CNTNAP2: variants seen among roughly 807,000 people sequenced by gnomAD.
CNTNAP2 encodes the protein contactin-associated protein-like 2.
In CNTNAP2, 98 loss-of-function variants were observed where a neutral mutation model predicts 155.2. That is an observed-to-expected ratio of 0.63 (90% CI 0.54 to 0.75). The LOEUF is 0.75. Among genes scored for constraint, CNTNAP2 ranks in the 30% least tolerant of loss-of-function variants. The pLI is 0.00. For synonymous variants in CNTNAP2, 651 were observed against 631.2 expected, an observed-to-expected ratio of 1.03 and a Z score of -0.47; for missense variants, 1,727 against 1,688.1, an observed-to-expected ratio of 1.02 and a Z score of -0.40.
chr7:147,434,296 A>T (rs1165061188), intron 10 of CNTNAP2, among the ~76,000 whole-genome samples: 1 of 152,214 alleles, frequency 6.6e-6, no homozygotes, highest in Non-Finnish European at 1.5e-5. Context: ...GATATATGAA[A>T]ATAGGACCTA....
intron 13 of CNTNAP2, among the ~76,000 whole-genome samples, chr7:147,661,661 T>C (rs1584885391): frequency 6.6e-6 from 1 of 151,814 alleles, no homozygotes; most frequent in Admixed American, 6.6e-5. Flanking sequence ...CAAGTGAGTC[T>C]CCTGCCACAG....
At chr7:146,775,004 CTT>C (rs1802364036) in intron 2 of CNTNAP2, among the ~76,000 whole-genome samples, 1 of 152,142 alleles carries the variant, frequency 6.6e-6, no homozygotes. Context: ...GCAAAAAACT[CTT>C]TTGCTTCAAA....
Position 146,380,751 on chromosome 7 carries a change from GA to G in CNTNAP2, c.97+263786del, listed in dbSNP as rs974303576. Among the ~76,000 whole-genome samples, 14 of 101,204 alleles carry G rather than the reference GA, an allele frequency of 1.4e-4. No individual in the cohort carries two copies. The East Asian group carries it at 2.0e-3, about 14-fold the overall frequency. 66.4% of individuals were successfully genotyped at this position (101,204 alleles called of 152,430 possible). A position where few individuals can be genotyped will look rare whatever the true frequency, so the allele number is the denominator to read the frequency against. On this transcript the variant is annotated intron_variant, in intron 1 of 23. Coordinates refer to ENST00000361727, the MANE Select transcript of CNTNAP2 (RefSeq NM_014141.6). ...AAGTACATATGTTACTAACTTCAAAGAAAAAAAATATTTCTTGCTTCTTATG... is the reference window on the plus strand; with the variant it reads ...AAGTACATATGTTACTAACTTCAAAGAAAAAAATATTTCTTGCTTCTTATG...
intron 12 of CNTNAP2, among the ~76,000 whole-genome samples, chr7:147,605,499 T>A (rs1379411930): frequency 1.3e-5 from 2 of 152,142 alleles, no homozygotes; most frequent in Admixed American, 1.3e-4. Context: ...TACCTTGTCA[T>A]GCAGATAAAG....
At chr7:146,516,712 G>A (rs1797547121) in intron 1 of CNTNAP2, among the ~76,000 whole-genome samples, 1 of 151,872 alleles carries the variant, frequency 6.6e-6, no homozygotes, top group Admixed American at 6.6e-5. Context: ...GAATGCATTA[G>A]GGTAGATTAT....
chr7:146,173,985 T>A (rs1584786807), intron 1 of CNTNAP2, among the ~76,000 whole-genome samples: 1 of 151,904 alleles, frequency 6.6e-6, no homozygotes, highest in Middle Eastern at 3.4e-3. Context: ...GGTGGGAGGA[T>A]CATTTGAAGT....
intron 3 of CNTNAP2, among the ~76,000 whole-genome samples, chr7:147,027,373 T>G (rs2129249072): frequency 6.6e-6 from 1 of 152,346 alleles, no homozygotes; most frequent in East Asian, 1.9e-4. Context: ...ACTCAAATTC[T>G]AAAAGCCACC....
chr7:147,343,347 G>A (rs1488976326), intron 9 of CNTNAP2, among the ~76,000 whole-genome samples: 1 of 152,090 alleles, frequency 6.6e-6, no homozygotes, highest in East Asian at 1.9e-4. Context: ...AAGATGTAGT[G>A]ATGTTAGCAG....
At chr7:147,398,249 T>G (rs1266271691) in intron 10 of CNTNAP2, among the ~76,000 whole-genome samples, 1 of 152,144 alleles carries the variant, frequency 6.6e-6, no homozygotes, top group African/African-American at 2.4e-5. Context: ...CTAGCACATC[T>G]CTGCTTCTTT....
At chr7:147,295,133 C>T (rs1209336595) in intron 8 of CNTNAP2, among the ~76,000 whole-genome samples, 1 of 152,152 alleles carries the variant, frequency 6.6e-6, no homozygotes, top group Non-Finnish European at 1.5e-5. Flanking sequence ...AATCCACCTA[C>T]TCAAAGCCTC....
rs1365352884 is a variant in CNTNAP2, at chr7:146,433,884, A to G, written c.97+316911A>G. Among the ~76,000 whole-genome samples the G allele has an allele frequency of 2.0e-5, 3 of 152,176 alleles. No individual in the cohort carries two copies. The East Asian group carries it at 5.8e-4, about 29-fold the overall frequency. ...CCCAGTCTTACAGGCATAAGCAGCA[A>G]ACCTAACCACAGCTTCCACCTTTCA... is the stretch of plus-strand genomic sequence containing the variant. On this transcript the variant is annotated intron_variant, in intron 1 of 23. Coordinates refer to ENST00000361727, the MANE Select transcript of CNTNAP2 (RefSeq NM_014141.6).
chr7:146,260,100 G>A (rs1161352595), intron 1 of CNTNAP2, among the ~76,000 whole-genome samples: 1 of 152,338 alleles, frequency 6.6e-6, no homozygotes, highest in South Asian at 2.1e-4. Flanking sequence ...GCTTCAGAGG[G>A]TGCAAGCCCC....
At chr7:148,345,298 T>TA (rs1798304756) in intron 21 of CNTNAP2, among the ~76,000 whole-genome samples, 1 of 152,294 alleles carries the variant, frequency 6.6e-6, no homozygotes, top group African/African-American at 2.4e-5. Flanking sequence ...CAGAAGCCTA[T>TA]AACCCACAGC....
chr7:147,500,638 C>T (rs1014873812), intron 11 of CNTNAP2, among the ~76,000 whole-genome samples: 2 of 152,076 alleles, frequency 1.3e-5, no homozygotes, highest in African/African-American at 4.8e-5. Flanking sequence ...CACACATACC[C>T]CCAAATATAT....
At chr7:147,098,312 T>C (rs183365227) in intron 4 of CNTNAP2, among the ~76,000 whole-genome samples, 1 of 152,330 alleles carries the variant, frequency 6.6e-6, no homozygotes. Context: ...TGCACATGAA[T>C]TGTAAGCCTT....
chr7:146,455,412 T>G (rs1326695861), intron 1 of CNTNAP2, among the ~76,000 whole-genome samples: 1 of 152,200 alleles, frequency 6.6e-6, no homozygotes, highest in Non-Finnish European at 1.5e-5. Context: ...AGTACCCGTA[T>G]GCTTTTCCTT....
chr7:146,813,691 T>A (rs1280852775), intron 2 of CNTNAP2, among the ~76,000 whole-genome samples: 1 of 152,096 alleles, frequency 6.6e-6, no homozygotes, highest in Non-Finnish European at 1.5e-5. Context: ...GATGATTGTG[T>A]TTCGAAATGT....
chr7:146,295,429 G>A (rs1800498308), intron 1 of CNTNAP2, among the ~76,000 whole-genome samples: 1 of 151,912 alleles, frequency 6.6e-6, no homozygotes, highest in African/African-American at 2.4e-5. Flanking sequence ...TTTATAACTT[G>A]TTGTTCATAA....
intron 1 of CNTNAP2, among the ~76,000 whole-genome samples, chr7:146,591,306 C>T (rs1187905887): frequency 6.6e-6 from 1 of 151,604 alleles, no homozygotes; most frequent in Non-Finnish European, 1.5e-5. Context: ...GATACTCAGC[C>T]TGTACTCCCA....
Sources: gnomAD v4.1 joint callset for allele counts (sites outside exome capture counted in the v4.1 genomes callset) on GRCh38, gnomAD v4.1.1 for gene constraint, MANE v1.5 for transcripts, NCBI Gene and HGNC (gene_info 2026-07-23, HGNC 2026-07-21) for gene names.